The following AKAP13 variants were observed in gnomAD, a reference collection of about 807,000 sequenced individuals.
The protein encoded by AKAP13 is A-kinase anchor protein 13.
AKAP13 carries 80 observed loss-of-function variants against 264.5 expected under a neutral mutation model. The ratio of observed to expected loss-of-function variants is 0.30; its 90% confidence interval spans 0.25 to 0.36. The LOEUF is 0.36. Ranked by LOEUF, AKAP13 falls within the 10% of genes least tolerant of loss-of-function variation. The pLI, the probability that AKAP13 is intolerant of heterozygous loss-of-function variation, is 1.00. For missense variants in AKAP13, 3,712 were observed against 3,435.2 expected (o/e 1.08, Z -2.01); for synonymous variants, 1,380 against 1,250.2 (o/e 1.10, Z -2.19).
At chr15:85,655,939 C>A (rs879774313) in intron 11 of AKAP13, 152 bp downstream of exon 11, 164 of 1,284,340 alleles carry the variant, frequency 1.3e-4, no homozygotes, top group Middle Eastern at 5.7e-4. Flanking sequence ...TGTGTTCAGA[C>A]CCCAGCTCCA....
intron 7 of AKAP13, chr15:85,583,026 T>A (rs911493930): frequency 1.0e-6 from 1 of 985,478 alleles, no homozygotes. Context: ...GGGTTGAGGC[T>A]GAAGCTGAAA....
At chr15:85,606,033 T>C (rs2080307131) in intron 8 of AKAP13, among the ~76,000 whole-genome samples, 1 of 151,756 alleles carries the variant, frequency 6.6e-6, no homozygotes, top group South Asian at 2.1e-4. Flanking sequence ...GTGGTTTATT[T>C]TACATTTTTA....
At chr15:85,717,699 G>T (rs2087032366) in intron 21 of AKAP13, among the ~76,000 whole-genome samples, 1 of 152,194 alleles carries the variant, frequency 6.6e-6, no homozygotes, top group African/African-American at 2.4e-5. Flanking sequence ...GCAATTGTAA[G>T]CCTGCTCTCT....
At chr15:85,623,642 C>T (rs553970287) in intron 8 of AKAP13, among the ~76,000 whole-genome samples, 1 of 152,208 alleles carries the variant, frequency 6.6e-6, no homozygotes, top group Non-Finnish European at 1.5e-5. Context: ...CCATCATCAA[C>T]CCCCAATGCC....
At chr15:85,669,692 C>CA (rs1390618278) in intron 13 of AKAP13, 30 bp from the exon 14 acceptor site, 13 of 1,477,702 alleles carry the variant, frequency 8.8e-6, no homozygotes, top group Non-Finnish European at 1.1e-5. Context: ...TATATGCTTA[C>CA]AACGTGTTCT....
chr15:85,709,133 T>A (rs2086484107), intron 18 of AKAP13, among the ~76,000 whole-genome samples: 1 of 152,184 alleles, frequency 6.6e-6, no homozygotes, highest in South Asian at 2.1e-4. Context: ...AAATCATGTT[T>A]TATATCAGTT....
intron 2 of AKAP13, among the ~76,000 whole-genome samples, chr15:85,489,297 ATGTT>A (rs2075659994): frequency 6.6e-6 from 1 of 152,188 alleles, no homozygotes; most frequent in Non-Finnish European, 1.5e-5. Flanking sequence ...TGCTTTGTAT[ATGTT>A]TGTGTTTAAT....
rs200176769 is a variant in AKAP13 at position 85,684,902 on chromosome 15, A to C, written c.5289+29A>C. On this transcript the variant is annotated intron_variant, in intron 16 of 36. Coordinates refer to ENST00000394518, the MANE Select transcript of AKAP13 (RefSeq NM_007200.5). ...AGTATCACTGTGGGCATTGCTTGTG[A>C]TCACCTCAGTAGGATCCTGTCACAG... is the stretch of plus-strand genomic sequence containing the variant. 17 of 1,610,952 alleles carry C rather than the reference A, an allele frequency of 1.1e-5. No homozygotes were observed. In the Admixed American group the frequency reaches 1.3e-4, roughly 13 times the overall value.
intron 1 of AKAP13, among the ~76,000 whole-genome samples, chr15:85,448,603 C>A (rs2073978123): frequency 6.6e-6 from 1 of 152,148 alleles, no homozygotes; most frequent in Admixed American, 6.5e-5. Context: ...GTTATCCCAG[C>A]ACCATTTATT....
At chr15:85,416,375 T>C (rs2072245764) in intron 1 of AKAP13, among the ~76,000 whole-genome samples, 2 of 152,214 alleles carry the variant, frequency 1.3e-5, no homozygotes, top group South Asian at 4.1e-4. Flanking sequence ...AGCCAGGTAC[T>C]GTGGTGGACT....
intron 1 of AKAP13, among the ~76,000 whole-genome samples, chr15:85,390,268 T>C (rs1318951299): frequency 6.6e-6 from 1 of 152,176 alleles, no homozygotes; most frequent in East Asian, 1.9e-4. Flanking sequence ...TGGTGATGAT[T>C]CTAGGAAGGA....
At position 85,745,275 on chromosome 15, in the gene AKAP13, C is replaced by CACAT. The variant is rs1337229498; in HGVS notation, c.*601_*604dup. Reference sequence around the variant, plus strand: ...GGTTTCCCTCTAAACCCATCCCGGGCACATACCACCCGTGTTTTGCATGTA... The same window carrying CACAT: ...GGTTTCCCTCTAAACCCATCCCGGGCACATACATACCACCCGTGTTTTGCATGTA... On this transcript the variant is annotated 3_prime_UTR_variant, in exon 37 of 37. Transcript: ENST00000394518. 6.6e-6 allele frequency: 1 copy of CACAT among 152,216 alleles called. No homozygotes were observed. The allele number at this position is 152,216 out of a possible 1,614,324, so 9.4% of individuals were successfully genotyped here. A position where few individuals can be genotyped will look rare whatever the true frequency, so the allele number is the denominator to read the frequency against.
At chr15:85,709,741 G>A (rs1397466229) in intron 18 of AKAP13, among the ~76,000 whole-genome samples, 1 of 151,474 alleles carries the variant, frequency 6.6e-6, no homozygotes, top group Non-Finnish European at 1.5e-5. Flanking sequence ...AGGCTGGAGT[G>A]CAATGGCACA....
intron 5 of AKAP13, among the ~76,000 whole-genome samples, chr15:85,569,258 G>T (rs1397585135): frequency 1.3e-5 from 2 of 152,064 alleles, no homozygotes; most frequent in African/African-American, 2.4e-5. Flanking sequence ...GAAAGAGATT[G>T]TGGGGGTGAA....
intron 8 of AKAP13, among the ~76,000 whole-genome samples, chr15:85,637,762 T>G (rs559690497): frequency 6.6e-6 from 1 of 152,178 alleles, no homozygotes; most frequent in Non-Finnish European, 1.5e-5. Flanking sequence ...GTTACAAATA[T>G]TGCTGTTAGC....
chr15:85,647,121 G>A lies in AKAP13; in HGVS notation c.4374+1167G>A, dbSNP rs1026301918. Among the ~76,000 whole-genome samples the A allele has an allele frequency of 6.8e-4, 103 of 152,176 alleles. 1 individual carries two copies. Among genetic ancestry groups the A allele is most frequent in the Admixed American group, 6.7e-3 (102 of 15,286 alleles). On this transcript the variant is annotated intron_variant, in intron 10 of 36. Transcript: ENST00000394518. ...TGTGTAGAAGTTACAAGAATAGGCCGGGTGTGGTGGCTCATGCATGTAATC... is the reference window on the plus strand; with the variant it reads ...TGTGTAGAAGTTACAAGAATAGGCCAGGTGTGGTGGCTCATGCATGTAATC...
chr15:85,479,678 A>G (rs1047662929), intron 1 of AKAP13, among the ~76,000 whole-genome samples: 2 of 152,162 alleles, frequency 1.3e-5, no homozygotes, highest in African/African-American at 2.4e-5. Context: ...GCTGGTCCTT[A>G]GAAAATATGC....
At chr15:85,685,996 C>G (rs1003856380) in intron 16 of AKAP13, among the ~76,000 whole-genome samples, 2 of 152,132 alleles carry the variant, frequency 1.3e-5, no homozygotes, top group Non-Finnish European at 2.9e-5. Flanking sequence ...ATTCCCAGTG[C>G]TAAACCAAAA....
chr15:85,485,746 C>T lies in AKAP13; in HGVS notation c.26C>T (p.Pro9Leu). Reference protein sequence around the residue: MKLNPQQAPLYGDCVVTVL... With the variant: MKLNPQQALLYGDCVVTVL... ...ATGAAACTTAATCCACAGCAAGCTCCCTTATATGTGAGTAAATCATGAGAT... is the reference window on the plus strand; with the variant it reads ...ATGAAACTTAATCCACAGCAAGCTCTCTTATATGTGAGTAAATCATGAGAT... The change falls in exon 2 of 37, where the codon CCC (proline) becomes CTC (leucine). Residue 9 changes from proline (P) to leucine (L), a missense_variant. Transcript: ENST00000394518. 3 of 1,613,008 alleles carry T rather than the reference C, an allele frequency of 1.9e-6. No individual in the cohort carries two copies. Among genetic ancestry groups the T allele is most frequent in the Non-Finnish European group, 2.5e-6 (3 of 1,179,224 alleles).
Sources: allele counts gnomAD v4.1 joint callset (sites outside exome capture counted in the v4.1 genomes callset), GRCh38; gene constraint gnomAD v4.1.1; transcripts MANE v1.5; gene names NCBI Gene and HGNC (gene_info 2026-07-23, HGNC 2026-07-21).